Variants in EYA2 observed in about 807,000 individuals in gnomAD.
The protein encoded by EYA2 is EYA transcriptional coactivator and phosphatase 2, also known as protein phosphatase EYA2.
In EYA2, 31 loss-of-function variants were observed where a neutral mutation model predicts 69.2. The ratio of observed to expected loss-of-function variants is 0.45; its 90% CI spans 0.34 to 0.60. The LOEUF (loss-of-function observed/expected upper bound fraction) is 0.60. Ranked by LOEUF, EYA2 falls within the 20% of genes least tolerant of loss-of-function variation. The probability of loss-of-function intolerance (pLI) is 0.02; values close to 1 mark genes in which losing one functional copy is unlikely to be tolerated. For missense variants in EYA2, 622 were observed against 701.2 expected (o/e 0.89, Z 1.28); for synonymous variants, 257 against 279.4 (o/e 0.92, Z 0.80).
intron 1 of EYA2, among the ~76,000 whole-genome samples, chr20:46,950,311 A>G (rs1372732920): frequency 6.6e-6 from 1 of 152,156 alleles, no homozygotes; most frequent in East Asian, 1.9e-4. Flanking sequence ...CAGAGACTCA[A>G]TTTTCACAAC....
chr20:47,134,711 T>C (rs1417452), intron 9 of EYA2, among the ~76,000 whole-genome samples: 41,623 of 152,102 alleles, frequency 0.27, 7,130 homozygotes, highest in East Asian at 0.39. Flanking sequence ...ATAAATATTT[T>C]AGGATTTCAG....
chr20:47,164,071 G>A (rs1458647589), intron 10 of EYA2, among the ~76,000 whole-genome samples: 1 of 152,094 alleles, frequency 6.6e-6, no homozygotes, highest in Non-Finnish European at 1.5e-5. Context: ...CAGTTCGTGT[G>A]GACAAGTCTC....
At chr20:46,945,941 C>G (rs1978428163) in intron 1 of EYA2, among the ~76,000 whole-genome samples, 1 of 152,166 alleles carries the variant, frequency 6.6e-6, no homozygotes, top group South Asian at 2.1e-4. Context: ...CTCACGCTGG[C>G]TTGCAGTTTG....
rs747529384 is a variant in EYA2 at position 46,990,056 on chromosome 20, T to C, written c.46T>C (p.Cys16Arg). 6.2e-7 allele frequency: 1 copy of C among 1,613,060 alleles called. No individual in the cohort carries two copies. Among genetic ancestry groups the C allele is most frequent in the East Asian group, 2.2e-5 (1 of 44,870 alleles). ...ISPSLTVNSD[C>R]LDKLKFNRAD... ...ACCCAGCCTCACTGTAAACAGCGAT[T>C]GTCTGGATAAACTGAAGTTTAACCG... The change falls in exon 2 of 16, where the codon TGT (cysteine) becomes CGT (arginine). Residue 16 changes from cysteine (C) to arginine (R), a missense_variant. Around this residue, in one of 2 missense-constraint regions of EYA2, gnomAD observed 365 missense variants for 349.7 expected, o/e 1.04. Transcript: ENST00000327619.
intron 1 of EYA2, among the ~76,000 whole-genome samples, chr20:46,960,344 A>G (rs1979398349): frequency 6.6e-6 from 1 of 152,228 alleles, no homozygotes; most frequent in South Asian, 2.1e-4. Context: ...ATTTGATCTC[A>G]GGACTGTCTG....
intron 5 of EYA2, among the ~76,000 whole-genome samples, chr20:47,045,491 G>A (rs903660102): frequency 3.3e-5 from 5 of 152,298 alleles, no homozygotes; most frequent in Middle Eastern, 3.4e-3. Flanking sequence ...ACACATACAG[G>A]GATCAGAAGA....
intron 4 of EYA2, among the ~76,000 whole-genome samples, chr20:47,008,575 A>G (rs972733765): frequency 6.6e-6 from 1 of 152,264 alleles, no homozygotes; most frequent in Non-Finnish European, 1.5e-5. Context: ...CACATAAAAG[A>G]GAAAACTAGC....
At chr20:46,984,261 C>T (rs1188228566) in intron 1 of EYA2, among the ~76,000 whole-genome samples, 1 of 151,536 alleles carries the variant, frequency 6.6e-6, no homozygotes, top group Non-Finnish European at 1.5e-5. Flanking sequence ...ATTTTTTGTT[C>T]TACAAAAGAT....
intron 12 of EYA2, among the ~76,000 whole-genome samples, chr20:47,176,003 C>T (rs1344955595): frequency 6.6e-6 from 1 of 152,028 alleles, no homozygotes; most frequent in Non-Finnish European, 1.5e-5. Flanking sequence ...AAACAAGGTC[C>T]CTGTTTTCAA....
At chr20:47,028,058 C>T (rs960156148) in intron 5 of EYA2, among the ~76,000 whole-genome samples, 1 of 152,078 alleles carries the variant, frequency 6.6e-6, no homozygotes, top group African/African-American at 2.4e-5. Context: ...GTGGGGTCTT[C>T]AGAATGGGAT....
chr20:47,077,775 G>T (rs755326448), intron 7 of EYA2, among the ~76,000 whole-genome samples: 1 of 152,188 alleles, frequency 6.6e-6, no homozygotes, highest in South Asian at 2.1e-4. Context: ...ATGATGCATA[G>T]TACCTATTTA....
intron 2 of EYA2, among the ~76,000 whole-genome samples, chr20:46,996,929 C>CA (rs1290273856): frequency 6.6e-6 from 1 of 151,814 alleles, no homozygotes; most frequent in African/African-American, 2.4e-5. Flanking sequence ...TACCAAGTGG[C>CA]AGTAGAGGTG....
chr20:47,182,326 G>A (rs1023494742), intron 14 of EYA2, among the ~76,000 whole-genome samples: 5 of 150,576 alleles, frequency 3.3e-5, no homozygotes, highest in South Asian at 2.1e-4. Context: ...TGCACTATAC[G>A]CTTAAAAATG....
At chr20:46,963,637 C>G (rs1979612124) in intron 1 of EYA2, among the ~76,000 whole-genome samples, 1 of 152,218 alleles carries the variant, frequency 6.6e-6, no homozygotes. Context: ...ATGTCTGATT[C>G]ATTTGGTCTG....
intron 5 of EYA2, among the ~76,000 whole-genome samples, chr20:47,020,771 TAGTG>T (rs1187650605): frequency 3.3e-5 from 5 of 152,146 alleles, no homozygotes. Flanking sequence ...ACTGGTATCA[TAGTG>T]AGAGAGGTGA....
chr20:47,118,734 C>G (rs1036120896), intron 9 of EYA2, among the ~76,000 whole-genome samples: 2 of 152,118 alleles, frequency 1.3e-5, no homozygotes, highest in Admixed American at 6.6e-5. Flanking sequence ...TGAGAGAGAC[C>G]ATTTCCTTAT....
intron 5 of EYA2, among the ~76,000 whole-genome samples, chr20:47,016,696 C>A (rs889060921): frequency 3.3e-5 from 5 of 152,172 alleles, no homozygotes; most frequent in Non-Finnish European, 7.3e-5. Flanking sequence ...ACATAGACAT[C>A]TTAGGGAAGA....
Position 47,038,805 on chromosome 20 carries a change from G to A in EYA2, c.415+22508G>A, listed in dbSNP as rs190927645. ...CCCTGGCAGCCACCGAGGACTTCCT[G>A]TTTCTAAGAGTGTGAGTACTTTAGA... On this transcript the variant is annotated intron_variant, in intron 5 of 15. Transcript: ENST00000327619. Among the ~76,000 whole-genome samples, 523 of 152,258 alleles carry A rather than the reference G, an allele frequency of 3.4e-3. 6 individuals are homozygous for A. The highest frequency in any genetic ancestry group is 0.012 in the African/African-American group (478 of 41,546).
intron 12 of EYA2, among the ~76,000 whole-genome samples, chr20:47,176,076 C>CTTTTT (rs35654076): frequency 1.8e-5 from 2 of 112,492 alleles, no homozygotes; most frequent in East Asian, 2.3e-4. Flanking sequence ...CACTTAAATT[C>CTTTTT]TTTTTTTTTT....
Sources: allele counts gnomAD v4.1 joint callset (sites outside exome capture counted in the v4.1 genomes callset), GRCh38; gene constraint gnomAD v4.1.1; regional missense constraint gnomAD v4.1.1; transcripts MANE v1.5; gene names NCBI Gene and HGNC (gene_info 2026-07-23, HGNC 2026-07-21).